The following CSMD1 variants were observed in gnomAD, a reference collection of about 807,000 sequenced individuals.
CSMD1 encodes CUB and sushi domain-containing protein 1.
Under a neutral mutation model 417.5 loss-of-function variants are expected in CSMD1, and 213 were observed. The ratio of observed to expected loss-of-function variants is 0.51; its 90% confidence interval spans 0.46 to 0.57. CSMD1 has a LOEUF of 0.57. Among genes scored for constraint, CSMD1 ranks in the 20% least tolerant of loss-of-function variants. The pLI is 0.00. For missense variants in CSMD1, 6,923 were observed against 4,529.7 expected (o/e 1.53, Z -15.17); for synonymous variants, 2,862 against 1,736.8 (o/e 1.65, Z -16.11).
intron 3 of CSMD1, among the ~76,000 whole-genome samples, chr8:4,124,287 A>G (rs1352801861): frequency 1.3e-5 from 2 of 152,180 alleles, no homozygotes; most frequent in Non-Finnish European, 2.9e-5. Context: ...AATAACATCA[A>G]TTTAAACAGT....
intron 26 of CSMD1, among the ~76,000 whole-genome samples, chr8:3,236,442 G>T (rs1055779037): frequency 6.6e-6 from 1 of 152,196 alleles, no homozygotes; most frequent in African/African-American, 2.4e-5. Context: ...CTTGAGGAAG[G>T]AGAAAGAGAA....
intron 7 of CSMD1, among the ~76,000 whole-genome samples, chr8:3,674,097 C>G (rs1279226807): frequency 6.6e-6 from 1 of 151,026 alleles, no homozygotes; most frequent in East Asian, 1.9e-4. Context: ...CAGAGTGAGA[C>G]TCCCTCTCAA....
intron 3 of CSMD1, among the ~76,000 whole-genome samples, chr8:4,328,320 T>C (rs539762626): frequency 6.6e-6 from 1 of 150,908 alleles, no homozygotes; most frequent in Non-Finnish European, 1.5e-5. Context: ...CTCAGTTAAG[T>C]CAACTGTGCG....
At chr8:4,450,525 C>T (rs1031899559) in intron 2 of CSMD1, among the ~76,000 whole-genome samples, 1 of 152,024 alleles carries the variant, frequency 6.6e-6, no homozygotes, top group South Asian at 2.1e-4. Flanking sequence ...GTGCCAGCTA[C>T]TTGGGAGGCT....
At position 4,354,328 on chromosome 8, in the gene CSMD1, A is replaced by C. The variant is rs538345941; in HGVS notation, c.415+65625T>G. On this transcript the variant is annotated intron_variant, in intron 3 of 69. Transcript: ENST00000635120. ...AGGCGATGAAACATTTCAACTGTAT[A>C]ATCTCTTTTGAGGTTGGGAAACCAT... Among the ~76,000 whole-genome samples the C allele has an allele frequency of 1.3e-3, 198 of 152,282 alleles. 2 individuals carry two copies. The highest frequency in any genetic ancestry group is 4.5e-3 in the African/African-American group (187 of 41,548).
At chr8:4,044,110 A>T (rs6558835) in intron 3 of CSMD1, among the ~76,000 whole-genome samples, 41,788 of 151,998 alleles carry the variant, frequency 0.27, 5,892 homozygotes, top group African/African-American at 0.31. Flanking sequence ...ATTTGATATG[A>T]TATTTTCTGG....
intron 4 of CSMD1, among the ~76,000 whole-genome samples, chr8:4,024,047 G>C (rs1002832171): frequency 6.6e-6 from 1 of 151,932 alleles, no homozygotes; most frequent in Admixed American, 6.6e-5. Flanking sequence ...GAACATAGAG[G>C]CCAAAACAGG....
chr8:3,777,131 C>CT (rs1798935071), intron 5 of CSMD1, among the ~76,000 whole-genome samples: 1 of 140,868 alleles, frequency 7.1e-6, no homozygotes, highest in Non-Finnish European at 1.5e-5. Flanking sequence ...TACACACACA[C>CT]ACACACACAC....
chr8:3,617,438 G>A (rs564795002), intron 7 of CSMD1, among the ~76,000 whole-genome samples: 6 of 152,156 alleles, frequency 3.9e-5, no homozygotes, highest in Admixed American at 1.3e-4. Context: ...ATTTCATCCT[G>A]TATAATTTGT....
At chr8:4,450,423 G>A (rs1799072095) in intron 2 of CSMD1, among the ~76,000 whole-genome samples, 1 of 152,056 alleles carries the variant, frequency 6.6e-6, no homozygotes, top group African/African-American at 2.4e-5. Context: ...GTCAAGAAAT[G>A]GAGACCATCT....
At chr8:3,704,497 C>G (rs1418869286) in intron 7 of CSMD1, among the ~76,000 whole-genome samples, 6 of 152,174 alleles carry the variant, frequency 3.9e-5, no homozygotes, top group African/African-American at 1.4e-4. Context: ...GTTATGCAGA[C>G]AGCTTTACAG....
At chr8:3,671,761 T>G (rs1444444862) in intron 7 of CSMD1, among the ~76,000 whole-genome samples, 2 of 151,692 alleles carry the variant, frequency 1.3e-5, no homozygotes, top group African/African-American at 2.4e-5. Context: ...ACAGGCCCCT[T>G]GCTCAGGTGC....
intron 33 of CSMD1, among the ~76,000 whole-genome samples, chr8:3,190,582 G>C (rs893949020): frequency 6.6e-6 from 1 of 152,094 alleles, no homozygotes; most frequent in African/African-American, 2.4e-5. Flanking sequence ...TATGGCCATC[G>C]TGATGTAATA....
intron 3 of CSMD1, among the ~76,000 whole-genome samples, chr8:4,344,433 A>C (rs1451994875): frequency 6.6e-6 from 1 of 152,038 alleles, no homozygotes; most frequent in African/African-American, 2.4e-5. Context: ...GAATATTTTA[A>C]AACTGAACTG....
chr8:4,345,482 C>G (rs1174619656), intron 3 of CSMD1, among the ~76,000 whole-genome samples: 1 of 151,796 alleles, frequency 6.6e-6, no homozygotes, highest in African/African-American at 2.4e-5. Context: ...AACTACAAAG[C>G]TTTTATATAG....
At chr8:3,600,357 G>A (rs185996861) in intron 8 of CSMD1, among the ~76,000 whole-genome samples, 116 of 152,280 alleles carry the variant, frequency 7.6e-4, no homozygotes, top group South Asian at 1.7e-3. Flanking sequence ...TTAGATCCTA[G>A]TTAAATTGAT....
At chr8:3,147,661 G>T (rs754018859) in intron 40 of CSMD1, among the ~76,000 whole-genome samples, 3 of 152,140 alleles carry the variant, frequency 2.0e-5, no homozygotes, top group African/African-American at 7.2e-5. Context: ...ACTTAGTGTT[G>T]CAAGTTTAAG....
chr8:3,459,701 G>A lies in CSMD1; in HGVS notation c.1561+9011C>T, dbSNP rs144547498. ...GCACCGGATATACTTCAGGAATTGG[G>A]TTCCGAAAGGTCATCATTCAGGGAC... is the stretch of plus-strand genomic sequence containing the variant. On this transcript the variant is annotated intron_variant, in intron 12 of 69. Coordinates refer to ENST00000635120, the MANE Select transcript of CSMD1 (RefSeq NM_033225.6). Among the ~76,000 whole-genome samples, 63 of 152,196 alleles carry A rather than the reference G, an allele frequency of 4.1e-4. 1 individual carries two copies. Among genetic ancestry groups the A allele is most frequent in the African/African-American group, 2.6e-4 (11 of 41,528 alleles).
chr8:4,440,238 G>A (rs1388367840), intron 2 of CSMD1, among the ~76,000 whole-genome samples: 2 of 152,060 alleles, frequency 1.3e-5, no homozygotes, highest in Non-Finnish European at 2.9e-5. Flanking sequence ...ATGTGCATGT[G>A]CACCTATACA....
Sources: gnomAD v4.1 joint callset for allele counts (sites outside exome capture counted in the v4.1 genomes callset) on GRCh38, gnomAD v4.1.1 for gene constraint, MANE v1.5 for transcripts, NCBI Gene and HGNC (gene_info 2026-07-23, HGNC 2026-07-21) for gene names.